The following EDN1 variants were observed in gnomAD, a reference collection of about 807,000 sequenced individuals.
The protein encoded by EDN1 is endothelin 1.
EDN1 carries 11 observed loss-of-function variants against 21.7 expected under a neutral mutation model. That is an observed-to-expected ratio of 0.51 (90% CI 0.32 to 0.84). The LOEUF is 0.84. EDN1 is among the 40% of genes least tolerant of loss of function. The probability of loss-of-function intolerance (pLI) is 0.03; values close to 1 mark genes in which losing one functional copy is unlikely to be tolerated. For missense variants in EDN1, 244 were observed against 262.3 expected, an observed-to-expected ratio of 0.93 and a Z score of 0.48; for synonymous variants, 85 against 90.6, an observed-to-expected ratio of 0.94 and a Z score of 0.35.
chr6:12,233,440 C>T, the EDN1 span, among the ~76,000 whole-genome samples: 12 of 152,156 alleles, frequency 7.9e-5, no homozygotes, highest in African/African-American at 2.2e-4. Context: ...ACAGAATTCA[C>T]GAAATTGCCC....
At chr6:12,247,188 C>T in the EDN1 span, among the ~76,000 whole-genome samples, 2 of 152,176 alleles carry the variant, frequency 1.3e-5, no homozygotes, top group African/African-American at 2.4e-5. Flanking sequence ...CTGGGGATCT[C>T]TTTCCAGGCC....
the EDN1 span, among the ~76,000 whole-genome samples, chr6:12,261,573 C>A: frequency 6.6e-6 from 1 of 152,032 alleles, no homozygotes; most frequent in East Asian, 1.9e-4. Flanking sequence ...GGAAGGGAAG[C>A]GGTGTTATTA....
the EDN1 span, among the ~76,000 whole-genome samples, chr6:12,250,475 T>A: frequency 2.4e-4 from 36 of 152,296 alleles, no homozygotes; most frequent in Admixed American, 1.0e-3. Context: ...TCTTGTCTTC[T>A]TATCACTATC....
At chr6:12,263,259 T>C in the EDN1 span, among the ~76,000 whole-genome samples, 1 of 152,226 alleles carries the variant, frequency 6.6e-6, no homozygotes, top group Non-Finnish European at 1.5e-5. Context: ...GTAGCTGCAC[T>C]TGAGTTTCCA....
chr6:12,275,520 G>A, the EDN1 span, among the ~76,000 whole-genome samples: 14 of 152,088 alleles, frequency 9.2e-5, no homozygotes, highest in Admixed American at 9.2e-4. Context: ...CTTTGGACTT[G>A]ACCATGAAGA....
chr6:12,247,500 T>C, the EDN1 span, among the ~76,000 whole-genome samples: 1 of 151,728 alleles, frequency 6.6e-6, no homozygotes, highest in Non-Finnish European at 1.5e-5. Flanking sequence ...TTTAGAAGTA[T>C]TCTAAAGGAT....
upstream of EDN1, among the ~76,000 whole-genome samples, chr6:12,288,311 T>G (rs886285313): frequency 6.6e-6 from 1 of 151,382 alleles, no homozygotes; most frequent in Non-Finnish European, 1.5e-5. Flanking sequence ...GCGGGAGTGT[T>G]GGGGGGGAGG....
chr6:12,283,565 G>C, the EDN1 span, among the ~76,000 whole-genome samples: 1 of 152,162 alleles, frequency 6.6e-6, no homozygotes, highest in African/African-American at 2.4e-5. Flanking sequence ...AAAATCACTG[G>C]AGCTAATGTA....
At chr6:12,266,546 T>A in the EDN1 span, among the ~76,000 whole-genome samples, 2 of 152,114 alleles carry the variant, frequency 1.3e-5, no homozygotes, top group African/African-American at 4.8e-5. Context: ...CTAAGTAAAT[T>A]GTGACGACTC....
the EDN1 span, among the ~76,000 whole-genome samples, chr6:12,264,165 A>G: frequency 1.3e-5 from 2 of 152,202 alleles, no homozygotes; most frequent in Non-Finnish European, 2.9e-5. Context: ...GCTCATCAAG[A>G]TCCCAATGGC....
At chr6:12,241,166 C>CTTTTTTTTT in the EDN1 span, among the ~76,000 whole-genome samples, 3 of 138,358 alleles carry the variant, frequency 2.2e-5, no homozygotes, top group African/African-American at 5.2e-5. Flanking sequence ...TTCTTTCTTT[C>CTTTTTTTTT]TTTTTTTTTT....
At chr6:12,293,608 G>C (rs1357169390) in intron 2 of EDN1, among the ~76,000 whole-genome samples, 3 of 152,188 alleles carry the variant, frequency 2.0e-5, no homozygotes, top group Non-Finnish European at 4.4e-5. Flanking sequence ...ATTAGAAAAG[G>C]AAGAAAATAT....
the EDN1 span, among the ~76,000 whole-genome samples, chr6:12,254,271 G>C: frequency 6.6e-6 from 1 of 152,160 alleles, no homozygotes; most frequent in Non-Finnish European, 1.5e-5. Flanking sequence ...CCTTGAGGGT[G>C]TTTCCCTCTG....
the EDN1 span, among the ~76,000 whole-genome samples, chr6:12,250,018 T>G: frequency 6.6e-6 from 1 of 152,086 alleles, no homozygotes; most frequent in African/African-American, 2.4e-5. Flanking sequence ...GAAATGTACA[T>G]ATACACACAC....
the EDN1 span, among the ~76,000 whole-genome samples, chr6:12,241,142 T>C: frequency 2.6e-5 from 4 of 151,358 alleles, no homozygotes; most frequent in Admixed American, 6.6e-5. Flanking sequence ...AGGATGCACT[T>C]TTTTTTCTTT....
intron 1 of EDN1, among the ~76,000 whole-genome samples, chr6:12,291,203 GACTA>G (rs1053498816): frequency 7.4e-5 from 11 of 148,104 alleles, no homozygotes; most frequent in African/African-American, 2.5e-4. Flanking sequence ...AAAGTCTGTT[GACTA>G]ACTACCGCCT....
At chr6:12,266,586 C>A in the EDN1 span, among the ~76,000 whole-genome samples, 11 of 152,108 alleles carry the variant, frequency 7.2e-5, no homozygotes, top group Admixed American at 7.2e-4. Context: ...AGGTGGGAAC[C>A]CATGGTGTGC....
chr6:12,259,389 T>TA, the EDN1 span, among the ~76,000 whole-genome samples: 2 of 150,306 alleles, frequency 1.3e-5, no homozygotes, highest in African/African-American at 4.8e-5. Context: ...TAATATTAAA[T>TA]AATAAAAAAT....
the EDN1 span, among the ~76,000 whole-genome samples, chr6:12,274,213 A>T: frequency 1.3e-5 from 2 of 152,242 alleles, no homozygotes; most frequent in Non-Finnish European, 2.9e-5. Flanking sequence ...GATATAACTA[A>T]TTCTAATGGA....
Sources: gnomAD v4.1 joint callset for allele counts (sites outside exome capture counted in the v4.1 genomes callset) on GRCh38, gnomAD v4.1.1 for gene constraint, MANE v1.5 for transcripts, NCBI Gene and HGNC (gene_info 2026-07-23, HGNC 2026-07-21) for gene names.